Variants in CDH13 observed in about 807,000 individuals in gnomAD.
CDH13 encodes cadherin 13.
CDH13 carries 24 observed loss-of-function variants against 63.8 expected under a neutral mutation model. That is an observed-to-expected ratio of 0.38 (90% confidence interval 0.27 to 0.53). The LOEUF is 0.53. CDH13 is among the 20% of genes least tolerant of loss of function. The pLI, the probability that CDH13 is intolerant of heterozygous loss-of-function variation, is 0.85. For missense variants in CDH13, 1,049 were observed against 903.1 expected, an observed-to-expected ratio of 1.16 and a Z score of -2.07; for synonymous variants, 503 against 355.3, an observed-to-expected ratio of 1.42 and a Z score of -4.67.
chr16:83,589,283 C>CA (rs1395752568), intron 7 of CDH13, among the ~76,000 whole-genome samples: 3 of 125,016 alleles, frequency 2.4e-5, no homozygotes, highest in Non-Finnish European at 3.5e-5. Flanking sequence ...CCCTTTCCCC[C>CA]CCCCGGACCC....
At chr16:83,140,987 A>G (rs2036506724) in intron 4 of CDH13, among the ~76,000 whole-genome samples, 1 of 152,214 alleles carries the variant, frequency 6.6e-6, no homozygotes, top group Non-Finnish European at 1.5e-5. Flanking sequence ...CAATTTTCAC[A>G]TCCATTCTCA....
intron 4 of CDH13, among the ~76,000 whole-genome samples, chr16:83,188,693 T>C (rs950227075): frequency 2.6e-5 from 4 of 152,246 alleles, no homozygotes; most frequent in African/African-American, 9.6e-5. Flanking sequence ...ATGAATATTA[T>C]TAAGTTTCCT....
At chr16:83,408,557 A>G (rs986897518) in intron 6 of CDH13, among the ~76,000 whole-genome samples, 2 of 152,236 alleles carry the variant, frequency 1.3e-5, no homozygotes, top group Non-Finnish European at 2.9e-5. Flanking sequence ...AAAATACAGT[A>G]TAAAATATTT....
intron 6 of CDH13, among the ~76,000 whole-genome samples, chr16:83,411,460 T>C (rs1290595575): frequency 6.6e-6 from 1 of 152,258 alleles, no homozygotes; most frequent in African/African-American, 2.4e-5. Flanking sequence ...TTGTCTCTCT[T>C]GTTCTCAGTG....
chr16:83,193,563 C>G (rs974391635), intron 4 of CDH13, among the ~76,000 whole-genome samples: 1 of 152,170 alleles, frequency 6.6e-6, no homozygotes, highest in Non-Finnish European at 1.5e-5. Context: ...TGTGTGGTCT[C>G]CCTGAGACCT....
intron 7 of CDH13, among the ~76,000 whole-genome samples, chr16:83,525,279 A>G (rs765797838): frequency 6.6e-6 from 1 of 152,224 alleles, no homozygotes; most frequent in African/African-American, 2.4e-5. Flanking sequence ...TTTACTGAGC[A>G]CTTTGTCTGC....
chr16:83,046,229 C>A (rs1317225087), intron 3 of CDH13, among the ~76,000 whole-genome samples: 1 of 152,318 alleles, frequency 6.6e-6, no homozygotes, highest in African/African-American at 2.4e-5. Context: ...CTTCATCTCA[C>A]TGGGGCCCAT....
At chr16:83,564,508 A>T (rs1373425514) in intron 7 of CDH13, among the ~76,000 whole-genome samples, 1 of 149,584 alleles carries the variant, frequency 6.7e-6, no homozygotes, top group African/African-American at 2.5e-5. Flanking sequence ...TCCCGGGTTC[A>T]AGTGATTCTC....
At chr16:83,082,147 G>C (rs1358130101) in intron 3 of CDH13, among the ~76,000 whole-genome samples, 5 of 152,158 alleles carry the variant, frequency 3.3e-5, no homozygotes, top group Non-Finnish European at 7.4e-5. Flanking sequence ...ATCACATTGG[G>C]GTTTAGGGCT....
At chr16:82,960,117 G>A (rs1481268930) in intron 2 of CDH13, among the ~76,000 whole-genome samples, 3 of 152,172 alleles carry the variant, frequency 2.0e-5, no homozygotes, top group Admixed American at 2.0e-4. Flanking sequence ...AGTAGGGAGG[G>A]CAAATGCAGA....
At chr16:83,264,623 G>A (rs1030465451) in intron 5 of CDH13, among the ~76,000 whole-genome samples, 16 of 151,262 alleles carry the variant, frequency 1.1e-4, no homozygotes, top group African/African-American at 2.2e-4. Flanking sequence ...AACTTTTAAG[G>A]TTCTTTTTGA....
At position 83,113,504 on chromosome 16, in the gene CDH13, G is replaced by C. The variant is rs74030707; in HGVS notation, c.367-11881G>C. Among the ~76,000 whole-genome samples, 463 of 152,348 alleles carry C rather than the reference G, an allele frequency of 3.0e-3. 3 individuals are homozygous for C. The highest frequency in any genetic ancestry group is 0.011 in the African/African-American group (448 of 41,576). ...CTTGTGCTAGGCACCAGGGGGCGTA[G>C]CAGCAGACCAGGAAAATGTAGAGTC... On this transcript the variant is annotated intron_variant, in intron 3 of 13. Coordinates refer to ENST00000567109, the MANE Select transcript of CDH13 (RefSeq NM_001257.5).
intron 10 of CDH13, among the ~76,000 whole-genome samples, chr16:83,740,181 G>A (rs1387207100): frequency 1.3e-5 from 2 of 152,070 alleles, no homozygotes; most frequent in Non-Finnish European, 2.9e-5. Context: ...GAAAATGCAG[G>A]TAGAAAGTCA....
chr16:83,255,821 A>G (rs553339541), intron 5 of CDH13, among the ~76,000 whole-genome samples: 4 of 152,142 alleles, frequency 2.6e-5, no homozygotes, highest in Middle Eastern at 3.2e-3. Context: ...TGATTTGCAA[A>G]ATAAGGATAC....
At chr16:82,868,821 T>C (rs553950307) in intron 2 of CDH13, among the ~76,000 whole-genome samples, 20 of 152,290 alleles carry the variant, frequency 1.3e-4, no homozygotes, top group African/African-American at 4.3e-4. Context: ...TAGTGTTGCG[T>C]CTTCAGAGCA....
chr16:83,009,788 C>T (rs780029041), intron 2 of CDH13, among the ~76,000 whole-genome samples: 11 of 152,154 alleles, frequency 7.2e-5, no homozygotes, highest in Admixed American at 1.3e-4. Flanking sequence ...TGTTGTCACA[C>T]TTGAGCATGA....
At chr16:83,514,747 A>C (rs1400939219) in intron 7 of CDH13, among the ~76,000 whole-genome samples, 1 of 152,200 alleles carries the variant, frequency 6.6e-6, no homozygotes, top group East Asian at 1.9e-4. Context: ...ATGAGTCTAT[A>C]AACCAAGAAA....
intron 4 of CDH13, among the ~76,000 whole-genome samples, chr16:83,189,254 C>T (rs936468116): frequency 1.3e-5 from 2 of 152,216 alleles, no homozygotes; most frequent in Non-Finnish European, 2.9e-5. Flanking sequence ...AGACCCTCAG[C>T]TGCAAGCTCA....
intron 1 of CDH13, among the ~76,000 whole-genome samples, chr16:82,652,070 C>T (rs955275964): frequency 6.6e-6 from 1 of 152,244 alleles, no homozygotes; most frequent in African/African-American, 2.4e-5. Flanking sequence ...TGCTGCCTTT[C>T]TCTGCCTACC....
Sources: allele counts gnomAD v4.1 joint callset (sites outside exome capture counted in the v4.1 genomes callset), GRCh38; gene constraint gnomAD v4.1.1; transcripts MANE v1.5; gene names NCBI Gene and HGNC (gene_info 2026-07-23, HGNC 2026-07-21).